The following SIL1 variants were observed in gnomAD, a reference collection of about 807,000 sequenced individuals.
SIL1 encodes the protein SIL1 nucleotide exchange factor, also known as nucleotide exchange factor SIL1.
A neutral mutation model predicts 49.1 loss-of-function variants in SIL1; 40 were observed. The ratio of observed to expected loss-of-function variants is 0.81; its 90% confidence interval spans 0.63 to 1.06. The LOEUF (loss-of-function observed/expected upper bound fraction) is 1.06. Among genes scored for constraint, SIL1 ranks in the 50% least tolerant of loss-of-function variants. The probability of loss-of-function intolerance (pLI) is 0.00; values close to 1 mark genes in which losing one functional copy is unlikely to be tolerated. For synonymous variants in SIL1, 253 were observed against 250.8 expected (o/e 1.01, Z -0.08); for missense variants, 500 against 572.6 (o/e 0.87, Z 1.29).
chr5:139,002,321 A>G (rs1159760763), intron 7 of SIL1, among the ~76,000 whole-genome samples: 3 of 152,238 alleles, frequency 2.0e-5, no homozygotes, highest in East Asian at 1.9e-4. Context: ...ACTATATCTA[A>G]TATCTTATTT....
chr5:139,192,997 CAAAAAAAA>C (rs60150903), intron 1 of SIL1, among the ~76,000 whole-genome samples: 7 of 79,002 alleles, frequency 8.9e-5, no homozygotes, highest in African/African-American at 5.0e-4. Context: ...AACTCAGTCT[CAAAAAAAA>C]AAAAAAAAAA....
chr5:139,057,314 T>TTAAAAAAAAAAAAAAAAAAAAAAAAAA (rs781049621), intron 3 of SIL1, among the ~76,000 whole-genome samples: 4 of 73,362 alleles, frequency 5.5e-5, no homozygotes, highest in Non-Finnish European at 1.1e-4. Flanking sequence ...GAATGATCAA[T>TTAAAAAAAAAAAAAAAAAAAAAAAAAA]AAAAAAAAAA....
intron 7 of SIL1, among the ~76,000 whole-genome samples, chr5:138,982,842 G>A (rs1284885633): frequency 6.6e-6 from 1 of 152,184 alleles, no homozygotes; most frequent in Non-Finnish European, 1.5e-5. Flanking sequence ...CCTCTTGGCG[G>A]GAAGCCCTTA....
chr5:139,140,785 A>G (rs1751064418), intron 1 of SIL1, among the ~76,000 whole-genome samples: 1 of 152,188 alleles, frequency 6.6e-6, no homozygotes, highest in African/African-American at 2.4e-5. Flanking sequence ...TTTTAAATGC[A>G]TTGTTTCTGA....
intron 5 of SIL1, among the ~76,000 whole-genome samples, chr5:139,031,018 T>G (rs1159520194): frequency 3.3e-5 from 5 of 152,202 alleles, no homozygotes; most frequent in Non-Finnish European, 1.5e-5. Flanking sequence ...CCACATAACA[T>G]AAAATGAGGA....
chr5:139,051,616 C>T (rs557292913), intron 3 of SIL1, among the ~76,000 whole-genome samples: 15 of 152,252 alleles, frequency 9.9e-5, no homozygotes, highest in Non-Finnish European at 2.1e-4. Flanking sequence ...AGCCCTTAGG[C>T]CAGGGCTTGG....
chr5:139,177,046 C>A (rs1751899130), intron 1 of SIL1, among the ~76,000 whole-genome samples: 1 of 148,888 alleles, frequency 6.7e-6, no homozygotes, highest in Non-Finnish European at 1.5e-5. Context: ...CATTCTCCTG[C>A]CTCAGCCTCC....
intron 7 of SIL1, among the ~76,000 whole-genome samples, chr5:139,005,428 T>C (rs1036283997): frequency 6.7e-6 from 1 of 150,320 alleles, no homozygotes; most frequent in Non-Finnish European, 1.5e-5. Flanking sequence ...TAAATTTTTA[T>C]TTATTTATTT....
At chr5:138,987,260 C>T (rs1180855400) in intron 7 of SIL1, among the ~76,000 whole-genome samples, 1 of 151,882 alleles carries the variant, frequency 6.6e-6, no homozygotes, top group Non-Finnish European at 1.5e-5. Context: ...CAGGCACACA[C>T]CACCACTCTT....
At chr5:139,016,714 A>C (rs950066808) in intron 7 of SIL1, among the ~76,000 whole-genome samples, 4 of 152,200 alleles carry the variant, frequency 2.6e-5, no homozygotes, top group African/African-American at 9.6e-5. Flanking sequence ...CAATGATGAC[A>C]AAGTACTCTT....
intron 5 of SIL1, among the ~76,000 whole-genome samples, chr5:139,038,382 G>A (rs1768964281): frequency 6.6e-6 from 1 of 152,156 alleles, no homozygotes; most frequent in Admixed American, 6.5e-5. Context: ...TGGCTTACTT[G>A]TGTGGGTTGT....
intron 7 of SIL1, among the ~76,000 whole-genome samples, chr5:138,991,262 A>G (rs1767754407): frequency 6.6e-6 from 1 of 152,250 alleles, no homozygotes; most frequent in Non-Finnish European, 1.5e-5. Context: ...GGACCAAGGC[A>G]ACTGATTAAA....
chr5:139,077,903 G>T (rs1263972333), intron 3 of SIL1, among the ~76,000 whole-genome samples: 2 of 152,116 alleles, frequency 1.3e-5, no homozygotes, highest in Admixed American at 6.6e-5. Flanking sequence ...CGGGGGAGTG[G>T]TATACATGAT....
intron 2 of SIL1, among the ~76,000 whole-genome samples, chr5:139,123,059 T>C (rs1750678824): frequency 6.6e-6 from 1 of 152,218 alleles, no homozygotes; most frequent in Non-Finnish European, 1.5e-5. Context: ...TTTGGGTACA[T>C]GGTGGCTGCT....
intron 1 of SIL1, among the ~76,000 whole-genome samples, chr5:139,192,153 G>C (rs1472194821): frequency 6.6e-6 from 1 of 150,452 alleles, no homozygotes; most frequent in African/African-American, 2.4e-5. Flanking sequence ...TACTCAGGAG[G>C]TTGAGGTGGA....
intron 7 of SIL1, among the ~76,000 whole-genome samples, chr5:139,003,496 T>C (rs908172578): frequency 6.6e-6 from 1 of 152,232 alleles, no homozygotes; most frequent in Admixed American, 6.5e-5. Context: ...CTTGAGCAGA[T>C]GTTTCTTTAT....
intron 7 of SIL1, among the ~76,000 whole-genome samples, chr5:138,992,380 C>A (rs939216675): frequency 1.3e-5 from 2 of 152,218 alleles, no homozygotes; most frequent in African/African-American, 4.8e-5. Flanking sequence ...CATAAGTTAA[C>A]TGCATGCTCT....
In SIL1 at chr5:139,171,706, A is replaced by G. The variant is rs1751773745; in HGVS notation, c.-11+26563T>C. Among the ~76,000 whole-genome samples, 3 of 151,740 alleles carry G rather than the reference A, an allele frequency of 2.0e-5. 1 individual carries two copies. Among genetic ancestry groups the G allele is most frequent in the Admixed American group, 2.0e-4 (3 of 15,248 alleles). Reference sequence around the variant, plus strand: ...ACCCAAGAATGATCAATAAAAAAAAATAAAAAGAAAAAAAATAAAAAAGAA... The same window carrying G: ...ACCCAAGAATGATCAATAAAAAAAAGTAAAAAGAAAAAAAATAAAAAAGAA... On this transcript the variant is annotated intron_variant, in intron 1 of 9. Transcript: ENST00000394817.
chr5:139,105,960 C>T (rs536138235), intron 3 of SIL1, among the ~76,000 whole-genome samples: 346 of 152,304 alleles, frequency 2.3e-3, no homozygotes, highest in African/African-American at 8.0e-3. Context: ...TCTCTGCAAG[C>T]GAAGCCGTGC....
Sources: gnomAD v4.1 joint callset for allele counts (sites outside exome capture counted in the v4.1 genomes callset) on GRCh38, gnomAD v4.1.1 for gene constraint, MANE v1.5 for transcripts, NCBI Gene and HGNC (gene_info 2026-07-23, HGNC 2026-07-21) for gene names.